ZRANB3: variants seen among roughly 807,000 people sequenced by gnomAD.
ZRANB3 encodes zinc finger RANBP2-type containing 3, also known as DNA annealing helicase and endonuclease ZRANB3.
ZRANB3 carries 125 observed loss-of-function variants against 133.8 expected under a neutral mutation model. The ratio of observed to expected loss-of-function variants is 0.93; its 90% CI spans 0.81 to 1.08. The LOEUF (loss-of-function observed/expected upper bound fraction) is 1.08, where lower values mean the gene tolerates loss of function less well. Among genes scored for constraint, ZRANB3 ranks in the 50% least tolerant of loss-of-function variants. ZRANB3 has a pLI of 0.00. For missense variants in ZRANB3, 1,229 were observed against 1,275.5 expected, an observed-to-expected ratio of 0.96 and a Z score of 0.56; for synonymous variants, 387 against 432.7, an observed-to-expected ratio of 0.89 and a Z score of 1.31.
intron 8 of ZRANB3, among the ~76,000 whole-genome samples, chr2:135,280,156 G>A (rs982359128): frequency 6.6e-6 from 1 of 152,114 alleles, no homozygotes; most frequent in Non-Finnish European, 1.5e-5. Context: ...AGAAGTTGCA[G>A]AAAATGCATG....
At chr2:135,527,652 T>C (rs545076979) in intron 1 of ZRANB3, among the ~76,000 whole-genome samples, 3 of 152,268 alleles carry the variant, frequency 2.0e-5, no homozygotes, top group Admixed American at 6.5e-5. Context: ...CAAATATCCA[T>C]CAGCAGGGAA....
At chr2:135,323,961 G>A (rs1683669744) in intron 6 of ZRANB3, among the ~76,000 whole-genome samples, 1 of 152,062 alleles carries the variant, frequency 6.6e-6, no homozygotes, top group Non-Finnish European at 1.5e-5. Flanking sequence ...TACAGATGGG[G>A]TTTCGCCATG....
intron 7 of ZRANB3, among the ~76,000 whole-genome samples, chr2:135,314,808 G>T (rs1683176667): frequency 1.3e-5 from 2 of 151,712 alleles, no homozygotes; most frequent in African/African-American, 4.8e-5. Context: ...GAGTGCAATG[G>T]CGCGATCTCG....
At chr2:135,283,627 A>G (rs899163881) in intron 8 of ZRANB3, among the ~76,000 whole-genome samples, 1 of 151,866 alleles carries the variant, frequency 6.6e-6, no homozygotes, top group Non-Finnish European at 1.5e-5. Flanking sequence ...AAAAAAAAAA[A>G]AAACTGAATT....
chr2:135,236,752 G>C (rs1168130231), intron 12 of ZRANB3, among the ~76,000 whole-genome samples: 9,039 of 151,720 alleles, frequency 0.06, 497 homozygotes, highest in African/African-American at 0.16. Context: ...AAAGCTGGAA[G>C]TGGATCCCTT....
At chr2:135,454,440 A>G (rs185738069) in intron 2 of ZRANB3, among the ~76,000 whole-genome samples, 130 of 151,806 alleles carry the variant, frequency 8.6e-4, no homozygotes, top group Admixed American at 4.3e-3. Flanking sequence ...TTTTTTTTTA[A>G]TTTAATAATC....
At position 135,328,191 on chromosome 2, in the gene ZRANB3, T is replaced by G. The variant is rs995198288; in HGVS notation, c.678-12661A>C. ...TCAACTCGTCATTTACATTAGGTAT[T>G]TCTCCTAATGCTATCCCTCCCCCAG... On this transcript the variant is annotated intron_variant, in intron 6 of 20. Coordinates refer to ENST00000264159, the MANE Select transcript of ZRANB3 (RefSeq NM_032143.4). Among the ~76,000 whole-genome samples, 7 of 152,014 alleles carry G rather than the reference T, an allele frequency of 4.6e-5. No homozygotes were observed. The East Asian group carries it at 1.2e-3, about 25-fold the overall frequency.
intron 6 of ZRANB3, among the ~76,000 whole-genome samples, chr2:135,317,396 G>A (rs1683313711): frequency 6.6e-6 from 1 of 152,156 alleles, no homozygotes; most frequent in African/African-American, 2.4e-5. Context: ...AAGTTGGTAG[G>A]TGGTGGTTTT....
chr2:135,359,640 AAAG>A (rs1355107126), intron 3 of ZRANB3, among the ~76,000 whole-genome samples: 1 of 151,954 alleles, frequency 6.6e-6, no homozygotes, highest in Non-Finnish European at 1.5e-5. Flanking sequence ...AAGGAGAAGA[AAAG>A]AAGAAAAGAA....
chr2:135,426,487 T>C (rs1363595693), intron 2 of ZRANB3, among the ~76,000 whole-genome samples: 1 of 151,964 alleles, frequency 6.6e-6, no homozygotes, highest in Non-Finnish European at 1.5e-5. Flanking sequence ...CAAAAGCTAA[T>C]CTACCATGAT....
At chr2:135,360,512 T>C (rs772158275) in intron 3 of ZRANB3, among the ~76,000 whole-genome samples, 16 of 151,874 alleles carry the variant, frequency 1.1e-4, no homozygotes, top group Admixed American at 3.3e-4. Flanking sequence ...GAGACCATCC[T>C]GGCTAACACG....
chr2:135,226,211 C>G (rs987326858), intron 14 of ZRANB3, among the ~76,000 whole-genome samples: 2 of 152,182 alleles, frequency 1.3e-5, no homozygotes, highest in African/African-American at 4.8e-5. Flanking sequence ...ACATATTTCT[C>G]TTTTCAGTGT....
chr2:135,265,766 T>G, intron 11 of ZRANB3, 80 bp from the exon 12 acceptor site: 1 of 1,421,450 alleles, frequency 7.0e-7, no homozygotes, highest in South Asian at 1.5e-5. Context: ...ATTTTGCATT[T>G]AAATCATAAG....
Position 135,350,159 on chromosome 2 carries a change from G to C in ZRANB3, c.416C>G (p.Ala139Gly). The change falls in exon 5 of 21, where the codon GCA becomes GGA. Residue 139 changes from alanine (A) to glycine (G), a missense_variant. Transcript: ENST00000264159. Reference protein sequence around the residue: ...VLGYGLLTADAKTLIDALNNQ... With the variant: ...VLGYGLLTADGKTLIDALNNQ... Reference sequence around the variant, plus strand: ...ATTCAGTGCATCTATCAAAGTCTTTGCATCTGCGGTTAAGAGACCATAACC... The same window carrying C: ...ATTCAGTGCATCTATCAAAGTCTTTCCATCTGCGGTTAAGAGACCATAACC... 1 of 1,611,612 alleles carries C rather than the reference G, an allele frequency of 6.2e-7. No individual in the cohort carries two copies.
chr2:135,311,583 A>T (rs1011664959), intron 8 of ZRANB3, among the ~76,000 whole-genome samples: 1 of 120,092 alleles, frequency 8.3e-6, no homozygotes, highest in Non-Finnish European at 1.9e-5. Context: ...TGAAAGAATA[A>T]AAAAAAAAAA....
intron 3 of ZRANB3, among the ~76,000 whole-genome samples, chr2:135,388,185 T>A (rs1687066424): frequency 6.6e-6 from 1 of 152,044 alleles, no homozygotes; most frequent in Admixed American, 6.6e-5. Context: ...TATAAAACCA[T>A]CAGATCTCGT....
At chr2:135,413,338 T>C (rs1688395901) in intron 2 of ZRANB3, among the ~76,000 whole-genome samples, 1 of 152,178 alleles carries the variant, frequency 6.6e-6, no homozygotes, top group African/African-American at 2.4e-5. Flanking sequence ...CCATTTTGAG[T>C]TGTATTTCTG....
At chr2:135,372,796 A>G (rs1686244824) in intron 3 of ZRANB3, among the ~76,000 whole-genome samples, 1 of 151,574 alleles carries the variant, frequency 6.6e-6, no homozygotes, top group Admixed American at 6.6e-5. Context: ...CAAAAAAAAA[A>G]AAAAAAAAGC....
At chr2:135,385,065 C>T (rs1686902666) in intron 3 of ZRANB3, among the ~76,000 whole-genome samples, 2 of 152,188 alleles carry the variant, frequency 1.3e-5, no homozygotes, top group Non-Finnish European at 2.9e-5. Flanking sequence ...TCCCTGTTTG[C>T]AGATGACATG....
Sources: allele counts gnomAD v4.1 joint callset (sites outside exome capture counted in the v4.1 genomes callset), GRCh38; gene constraint gnomAD v4.1.1; transcripts MANE v1.5; gene names NCBI Gene and HGNC (gene_info 2026-07-23, HGNC 2026-07-21).